Variants in SYDE1 observed in about 807,000 individuals in gnomAD.
SYDE1 encodes the protein rho GTPase-activating protein SYDE1.
A neutral mutation model predicts 63.3 loss-of-function variants in SYDE1; 34 were observed. The observed-to-expected ratio is 0.54, with a 90% CI of 0.41 to 0.71. SYDE1 has a LOEUF of 0.71. Among genes scored for constraint, SYDE1 ranks in the 30% least tolerant of loss-of-function variants. SYDE1 has a pLI of 0.00. For missense variants in SYDE1, 925 were observed against 1,042.5 expected (o/e 0.89, Z 1.55); for synonymous variants, 467 against 473.4 (o/e 0.99, Z 0.18).
chr19:15,114,870 C>G lies in SYDE1; in HGVS notation c.*907C>G. On this transcript the variant is annotated 3_prime_UTR_variant, in exon 8 of 8. Transcript: ENST00000342784. ...CACCCTGAAATCCCCAATAATGGTGCCTCAGTGGGCCCCAGAGTTCCAGTG... is the reference window on the plus strand; with the variant it reads ...CACCCTGAAATCCCCAATAATGGTGGCTCAGTGGGCCCCAGAGTTCCAGTG... 3.1e-6 allele frequency: 1 copy of G among 318,876 alleles called. No homozygotes were observed. 19.8% of individuals were successfully genotyped at this position (318,876 alleles called of 1,614,324 possible). A position where few individuals can be genotyped will look rare whatever the true frequency, so the allele number is the denominator to read the frequency against.
chr19:15,112,901 ATTTTTAT>A (rs1243878730), intron 7 of SYDE1, among the ~76,000 whole-genome samples: 1 of 151,718 alleles, frequency 6.6e-6, no homozygotes, highest in African/African-American at 2.4e-5. Context: ...TCATCTTTTT[ATTTTTAT>A]TTTTTATTTT....
At chr19:15,107,701 G>T (rs924554457) in intron 1 of SYDE1, among the ~76,000 whole-genome samples, 180 bp downstream of exon 1, 2 of 149,872 alleles carry the variant, frequency 1.3e-5, no homozygotes, top group Non-Finnish European at 3.0e-5. Context: ...GGCTGGGAGG[G>T]AGGGGGGCGC....
In SYDE1 at chr19:15,110,688, CTCA is replaced by C. The variant is rs1307390087; in HGVS notation, c.1249_1251del (p.Ile417del). On this transcript the variant is annotated inframe_deletion, in exon 4 of 8. Transcript: ENST00000342784. This position sits in a 1 kb window ranked among gnomAD's most constrained non-coding sequence, Gnocchi z 6.9. ...GGAGCGGCCCCCCGGCCAGGTGCCC[CTCA>C]TCATCCAGAAGTGCGTTGGGCAGAT... 2 of 1,582,706 alleles carry C rather than the reference CTCA, an allele frequency of 1.3e-6. No individual in the cohort carries two copies. Among genetic ancestry groups the C allele is most frequent in the East Asian group, 2.3e-5 (1 of 43,242 alleles).
rs1322511175 is a variant in SYDE1, at chr19:15,112,583, C to G, written c.1804+12C>G. 6.5e-7 allele frequency: 1 copy of G among 1,544,848 alleles called. No homozygotes were observed. Among genetic ancestry groups the G allele is most frequent in the Non-Finnish European group, 8.8e-7 (1 of 1,140,150 alleles). On this transcript the variant is annotated intron_variant, in intron 7 of 7. Transcript: ENST00000342784. ...GCAGTCTTGGCCAGGTGAGTTCATGCCCAGGGCCTGCACCACCAATCTGAG... is the reference window on the plus strand; with the variant it reads ...GCAGTCTTGGCCAGGTGAGTTCATGGCCAGGGCCTGCACCACCAATCTGAG...
Position 15,113,573 on chromosome 19 carries a change from C to G in SYDE1, c.1818C>G (p.Pro606=), listed in dbSNP as rs1568330148. Residue 606 remains proline (P), a synonymous_variant, in exon 8 of 8, where the codon CCC becomes CCG. Transcript: ENST00000342784. The part of the protein sequence containing the change: ...LLQSWPDPRL[P]RQSPDVAPYL... ...GTCTCCCTTCAGATCCCCGCCTGCCCCGACAATCTCCAGATGTCGCGCCTT... is the reference window on the plus strand; with the variant it reads ...GTCTCCCTTCAGATCCCCGCCTGCCGCGACAATCTCCAGATGTCGCGCCTT... 1 of 1,560,336 alleles carries G rather than the reference C, an allele frequency of 6.4e-7. No homozygotes were observed. Among genetic ancestry groups the G allele is most frequent in the African/African-American group, 1.4e-5 (1 of 73,424 alleles).
rs2046329835 is a variant in SYDE1 at position 15,109,750 on chromosome 19, C to T, written c.477C>T (p.Ser159=). 11 of 1,536,708 alleles carry T rather than the reference C, an allele frequency of 7.2e-6. No individual in the cohort carries two copies. The highest frequency in any genetic ancestry group is 1.9e-4 in the Middle Eastern group (1 of 5,278). Residue 159 remains serine, a synonymous_variant, in exon 3 of 8, where the codon TCC becomes TCT. Coordinates refer to ENST00000342784, the MANE Select transcript of SYDE1 (RefSeq NM_033025.6). This position sits in a 1 kb window ranked among gnomAD's most constrained non-coding sequence, Gnocchi z 5.0. The stretch of plus-strand genomic sequence containing the variant: ...CAACCAAAGCCTCCCGCACCAAGTC[C>T]CCGGGCCCCGCCAGGCGCCTCTCCA... ...SPPTKASRTK[S]PGPARRLSIK...
Position 15,110,617 on chromosome 19 carries a change from C to T in SYDE1, c.1172C>T (p.Ala391Val), listed in dbSNP as rs777242791. Residue 391 changes from alanine (A) to valine (V), a missense_variant, in exon 4 of 8, where the codon GCT (alanine) becomes GTT (valine). This residue lies in a region of SYDE1 where 599 missense variants were observed against 653.7 expected (regional missense o/e 0.92). Coordinates refer to ENST00000342784, the MANE Select transcript of SYDE1 (RefSeq NM_033025.6). The surrounding 1 kb of genome is among the most constrained non-coding windows in gnomAD (Gnocchi z 6.9). ...GAGCAGCAGGAAGCCCCTGCCACAG[C>T]TGAGCCCCGCGTCTTTGGGCTGCCC... ...LSEQQEAPAT[A>V]EPRVFGLPLP... 1 of 1,593,550 alleles carries T rather than the reference C, an allele frequency of 6.3e-7. No homozygotes were observed. The highest frequency in any genetic ancestry group is 8.5e-7 in the Non-Finnish European group (1 of 1,171,842).
At position 15,110,461 on chromosome 19, in the gene SYDE1, C is replaced by T. The variant is rs557054124; in HGVS notation, c.1076-60C>T. 1,499 of 1,506,954 alleles carry T rather than the reference C, an allele frequency of 9.9e-4. 2 individuals are homozygous for T. Among genetic ancestry groups the T allele is most frequent in the Non-Finnish European group, 1.2e-3 (1,338 of 1,122,826 alleles). The allele number at this position is 1,506,954 out of a possible 1,614,324, so 93.3% of individuals were successfully genotyped here. ...GGGCGGAAGGTGTGGCCTGGAGCAG[C>T]GAGGCCAGGGTACATGAAGCTTCAG... On this transcript the variant is annotated intron_variant, in intron 3 of 7. Coordinates refer to ENST00000342784, the MANE Select transcript of SYDE1 (RefSeq NM_033025.6). The surrounding 1 kb of genome is among the most constrained non-coding windows in gnomAD (Gnocchi z 6.9).
In SYDE1 at chr19:15,114,895, G is replaced by A. The variant is rs1268908022; in HGVS notation, c.*932G>A. The A allele has an allele frequency of 3.0e-6, 1 of 337,134 alleles. No individual in the cohort carries two copies. Among genetic ancestry groups the A allele is most frequent in the East Asian group, 7.4e-5 (1 of 13,596 alleles). 20.9% of individuals were successfully genotyped at this position (337,134 alleles called of 1,614,324 possible). On this transcript the variant is annotated 3_prime_UTR_variant, in exon 8 of 8. Coordinates refer to ENST00000342784, the MANE Select transcript of SYDE1 (RefSeq NM_033025.6). Reference sequence around the variant, plus strand: ...CCTCAGTGGGCCCCAGAGTTCCAGTGGGAGAGTACGGTTCCCTCCTGTCTC... The same window carrying A: ...CCTCAGTGGGCCCCAGAGTTCCAGTAGGAGAGTACGGTTCCCTCCTGTCTC...
rs2046375082 is a variant in SYDE1 at position 15,114,822 on chromosome 19, G to A, written c.*859G>A. 1 of 294,120 alleles carries A rather than the reference G, an allele frequency of 3.4e-6. No homozygotes were observed. The highest frequency in any genetic ancestry group is 6.6e-6 in the Non-Finnish European group (1 of 150,806). 18.2% of individuals were successfully genotyped at this position (294,120 alleles called of 1,614,324 possible). On this transcript the variant is annotated 3_prime_UTR_variant, in exon 8 of 8. Coordinates refer to ENST00000342784, the MANE Select transcript of SYDE1 (RefSeq NM_033025.6). Reference sequence around the variant, plus strand: ...GGGCTCTTTCAGGGACCACAGAGGAGGGAGCAGTTTGCAGTGCCCAGCCAC... The same window carrying A: ...GGGCTCTTTCAGGGACCACAGAGGAAGGAGCAGTTTGCAGTGCCCAGCCAC...
Position 15,111,531 on chromosome 19 carries a change from T to C in SYDE1, c.1417+92T>C, listed in dbSNP as rs568066099. 1.3e-6 allele frequency: 2 copies of C among 1,598,004 alleles called. No individual in the cohort carries two copies. Among genetic ancestry groups the C allele is most frequent in the Admixed American group, 1.7e-5 (1 of 59,336 alleles). On this transcript the variant is annotated intron_variant, in intron 5 of 7. Transcript: ENST00000342784. The surrounding 1 kb of genome is among the most constrained non-coding windows in gnomAD (Gnocchi z 5.5). ...CTCCTCTGGGACCTCAGTCCTCCTA[T>C]CTGACCTTGCTTTCACCCACCTCCT... is the stretch of plus-strand genomic sequence containing the variant.
chr19:15,109,442 T>G lies in SYDE1; in HGVS notation c.430+45T>G, dbSNP rs369610008. The stretch of plus-strand genomic sequence containing the variant: ...CCCCTTCCCCAAGGTGAGCACCAGC[T>G]CCACATCCCTTCCCTTCAGGGTAGC... On this transcript the variant is annotated intron_variant, in intron 2 of 7. Coordinates refer to ENST00000342784, the MANE Select transcript of SYDE1 (RefSeq NM_033025.6). This position sits in a 1 kb window ranked among gnomAD's most constrained non-coding sequence, Gnocchi z 5.0. 6.7e-7 allele frequency: 1 copy of G among 1,490,178 alleles called. No individual in the cohort carries two copies. The allele number at this position is 1,490,178 out of a possible 1,614,324, so 92.3% of individuals were successfully genotyped here.
intron 1 of SYDE1, 57 bp downstream of exon 1, chr19:15,107,578 G>C: frequency 7.5e-7 from 1 of 1,335,994 alleles, no homozygotes; most frequent in Non-Finnish European, 1.0e-6. Context: ...CCTGGGAGCG[G>C]GGTCCCAGGG....
At position 15,110,389 on chromosome 19, in the gene SYDE1, C is replaced by G; in HGVS notation, c.1075+41C>G. On this transcript the variant is annotated intron_variant, in intron 3 of 7. Transcript: ENST00000342784. The surrounding 1 kb of genome is among the most constrained non-coding windows in gnomAD (Gnocchi z 6.9). ...GCAGGGGAGGAGGGGCAGGGACCCC[C>G]AAACCCCACCGCCACCCCCCGCAGA... 1 of 1,442,888 alleles carries G rather than the reference C, an allele frequency of 6.9e-7. No individual in the cohort carries two copies. The highest frequency in any genetic ancestry group is 9.1e-7 in the Non-Finnish European group (1 of 1,098,536). 89.4% of individuals were successfully genotyped at this position (1,442,888 alleles called of 1,614,324 possible). A position where few individuals can be genotyped will look rare whatever the true frequency, so the allele number is the denominator to read the frequency against.
rs763798215 is a variant in SYDE1, at chr19:15,113,586, G to C, written c.1831G>C (p.Asp611His). Residue 611 changes from aspartate to histidine, a missense_variant, in exon 8 of 8, where the codon GAT becomes CAT. This residue lies in a region of SYDE1 where 255 missense variants were observed against 255.9 expected (regional missense o/e 1.00). Coordinates refer to ENST00000342784, the MANE Select transcript of SYDE1 (RefSeq NM_033025.6). ...TCCCCGCCTGCCCCGACAATCTCCA[G>C]ATGTCGCGCCTTACTTGCGACCCAA... ...PDPRLPRQSP[D>H]VAPYLRPKRQ... 1.7e-5 allele frequency: 27 copies of C among 1,576,392 alleles called. No individual in the cohort carries two copies. Among genetic ancestry groups the C allele is most frequent in the Non-Finnish European group, 2.2e-5 (25 of 1,159,984 alleles).
In SYDE1 at chr19:15,111,129, G is replaced by A. The variant is rs1365114407; in HGVS notation, c.1291-184G>A. On this transcript the variant is annotated intron_variant, in intron 4 of 7. Transcript: ENST00000342784. The surrounding 1 kb of genome is among the most constrained non-coding windows in gnomAD (Gnocchi z 5.5). ...AGTGTCAGTTTCCTAAGTCAAAGGA[G>A]ATGGCAGCCAAGACAAGTAGTCCAA... Among the ~76,000 whole-genome samples, 1 of 152,134 alleles carries A rather than the reference G, an allele frequency of 6.6e-6. No individual in the cohort carries two copies. The highest frequency in any genetic ancestry group is 1.5e-5 in the Non-Finnish European group (1 of 68,024).
At position 15,109,354 on chromosome 19, in the gene SYDE1, G is replaced by A; in HGVS notation, c.387G>A (p.Gly129=). ...GACCTCCAGCACCTGAGCCCCCGGGGCCACAGCCTGGCTCAGCTGAGTCAG... is the reference window on the plus strand; with the variant it reads ...GACCTCCAGCACCTGAGCCCCCGGGACCACAGCCTGGCTCAGCTGAGTCAG... The part of the protein sequence containing the change: ...DPRPPAPEPP[G]PQPGSAESEG... Residue 129 remains glycine, a synonymous_variant, in exon 2 of 8, where the codon GGG becomes GGA. Coordinates refer to ENST00000342784, the MANE Select transcript of SYDE1 (RefSeq NM_033025.6). The surrounding 1 kb of genome is among the most constrained non-coding windows in gnomAD (Gnocchi z 5.0). 1.3e-6 allele frequency: 2 copies of A among 1,590,430 alleles called. No homozygotes were observed. The highest frequency in any genetic ancestry group is 1.7e-6 in the Non-Finnish European group (2 of 1,167,136).
Position 15,111,889 on chromosome 19 carries a change from C to A in SYDE1, c.1578+97C>A. The A allele has an allele frequency of 2.5e-6, 3 of 1,212,852 alleles. No individual in the cohort carries two copies. The highest frequency in any genetic ancestry group is 1.5e-5 in the African/African-American group (1 of 65,642). 75.1% of individuals were successfully genotyped at this position (1,212,852 alleles called of 1,614,324 possible). On this transcript the variant is annotated intron_variant, in intron 6 of 7. Transcript: ENST00000342784. This position sits in a 1 kb window ranked among gnomAD's most constrained non-coding sequence, Gnocchi z 5.5. ...TGGGCCTGAGATGGGCATGAGCTGG[C>A]AGCATCATCATATCCCCAAGAAATA...
In SYDE1 at chr19:15,109,205, A is replaced by AGCC; in HGVS notation, c.243_245dup (p.Arg82dup). Reference sequence around the variant, plus strand: ...CTACCTGCAAAGCCTGGAGCCCAGTAGCCGCCGATGGGTGCTGGGTGGGGC... The same window carrying AGCC: ...CTACCTGCAAAGCCTGGAGCCCAGTAGCCGCCGCCGATGGGTGCTGGGTGGGGC... On this transcript the variant is annotated inframe_insertion, in exon 2 of 8. Coordinates refer to ENST00000342784, the MANE Select transcript of SYDE1 (RefSeq NM_033025.6). The surrounding 1 kb of genome is among the most constrained non-coding windows in gnomAD (Gnocchi z 5.0). 6.4e-7 allele frequency: 1 copy of AGCC among 1,566,818 alleles called. No individual in the cohort carries two copies. Among genetic ancestry groups the AGCC allele is most frequent in the South Asian group, 1.2e-5 (1 of 85,674 alleles).
Sources: gnomAD v4.1 joint callset for allele counts (sites outside exome capture counted in the v4.1 genomes callset) on GRCh38, gnomAD v4.1.1 for gene constraint, gnomAD v4.1.1 regional missense constraint, Gnocchi (gnomAD v3.1) non-coding constraint, MANE v1.5 for transcripts, NCBI Gene and HGNC (gene_info 2026-07-23, HGNC 2026-07-21) for gene names.